The following CPB1 variants were observed in gnomAD, a reference collection of about 807,000 sequenced individuals.
CPB1 encodes the protein carboxypeptidase B1, also known as carboxypeptidase B.
CPB1 carries 53 observed loss-of-function variants against 51.4 expected under a neutral mutation model. The ratio of observed to expected loss-of-function variants is 1.03; its 90% CI spans 0.83 to 1.30. The LOEUF is 1.30. Among genes scored for constraint, CPB1 ranks in the 50% most tolerant of loss-of-function variants. CPB1 has a pLI of 0.00. For synonymous variants in CPB1, 189 were observed against 186.9 expected (o/e 1.01, Z -0.09); for missense variants, 494 against 516.2 (o/e 0.96, Z 0.42).
rs375699145 is a variant in CPB1 at position 148,844,664 on chromosome 3, A to G, written c.688-13A>G. 4 of 1,613,658 alleles carry G rather than the reference A, an allele frequency of 2.5e-6. No homozygotes were observed. The East Asian group carries it at 6.7e-5, about 27-fold the overall frequency. The stretch of plus-strand genomic sequence containing the variant: ...TCTATTATATTTGTCCTAACTATGT[A>G]GTCCACTTTCAGAGCCGATTTTGGA... On this transcript the variant is annotated splice_polypyrimidine_tract_variant and intron_variant, in intron 7 of 10. Coordinates refer to ENST00000282957, the MANE Select transcript of CPB1 (RefSeq NM_001871.3).
chr3:148,838,562 TC>T (rs1712979753), intron 3 of CPB1: 1 of 152,226 alleles, frequency 6.6e-6, no homozygotes, highest in Non-Finnish European at 1.5e-5. Context: ...TTTTTTGTTA[TC>T]CTTGAATATC....
chr3:148,844,779 G>T lies in CPB1; in HGVS notation c.778+12G>T, dbSNP rs545967752. ...TGCTGGTTGGTGTGGTAAGTATCTG[G>T]CTAGCCATTTTGCATGTATCCATTG... On this transcript the variant is annotated intron_variant, in intron 8 of 10. Coordinates refer to ENST00000282957, the MANE Select transcript of CPB1 (RefSeq NM_001871.3). 1.9e-5 allele frequency: 31 copies of T among 1,611,378 alleles called. No homozygotes were observed. Among genetic ancestry groups the T allele is most frequent in the South Asian group, 1.6e-4 (15 of 90,972 alleles).
Position 148,857,369 on chromosome 3 carries a change from C to G in CPB1, c.982-88C>G, listed in dbSNP as rs2331407. ...TACGATCCAAATTGTTACTTACATGCTTTGAATGCCTTAAAAATAATGTAC... is the reference window on the plus strand; with the variant it reads ...TACGATCCAAATTGTTACTTACATGGTTTGAATGCCTTAAAAATAATGTAC... On this transcript the variant is annotated intron_variant, in intron 9 of 10. Coordinates refer to ENST00000282957, the MANE Select transcript of CPB1 (RefSeq NM_001871.3). The G allele has an allele frequency of 5.0e-6, 5 of 995,144 alleles. No homozygotes were observed. The African/African-American group carries it at 8.1e-5, about 16-fold the overall frequency. 61.6% of individuals were successfully genotyped at this position (995,144 alleles called of 1,614,324 possible). A position where few individuals can be genotyped will look rare whatever the true frequency, so the allele number is the denominator to read the frequency against.
chr3:148,829,818 G>C (rs918729141), intron 2 of CPB1, among the ~76,000 whole-genome samples: 1 of 152,132 alleles, frequency 6.6e-6, no homozygotes, highest in African/African-American at 2.4e-5. Flanking sequence ...CAATGTGCCA[G>C]ACATAGTGTT....
chr3:148,831,231 T>A (rs1712725801), intron 2 of CPB1, among the ~76,000 whole-genome samples: 2 of 152,174 alleles, frequency 1.3e-5, no homozygotes, highest in Non-Finnish European at 2.9e-5. Flanking sequence ...TGTCTTGAAG[T>A]CTGTGTTTCT....
Position 148,827,992 on chromosome 3 carries a change from C to T in CPB1, c.72-10C>T. On this transcript the variant is annotated splice_polypyrimidine_tract_variant and intron_variant, in intron 1 of 10. Transcript: ENST00000282957. ...CCAATTCTCTGTGCTTCTATTATCT[C>T]ATTATTCAGCGAGAAGGTGTTCCGT... is the stretch of plus-strand genomic sequence containing the variant. 6.2e-7 allele frequency: 1 copy of T among 1,613,700 alleles called. No homozygotes were observed. The highest frequency in any genetic ancestry group is 8.5e-7 in the Non-Finnish European group (1 of 1,179,708).
intron 3 of CPB1, 111 bp downstream of exon 3, chr3:148,834,733 G>C: frequency 1.0e-6 from 1 of 1,002,190 alleles, no homozygotes; most frequent in South Asian, 2.0e-5. Flanking sequence ...GCCTTCCCCA[G>C]GACCCCACAA....
chr3:148,834,627 G>C lies in CPB1; in HGVS notation c.272+5G>C, dbSNP rs998315597. On this transcript the variant is annotated splice_donor_5th_base_variant and intron_variant, in intron 3 of 10. Coordinates refer to ENST00000282957, the MANE Select transcript of CPB1 (RefSeq NM_001871.3). ...GCAGAATGAACTACAATACAAGTAA[G>C]TTTATGTTTTATAAATATTAAAATT... The C allele has an allele frequency of 6.2e-7, 1 of 1,600,762 alleles. No individual in the cohort carries two copies. The highest frequency in any genetic ancestry group is 8.5e-7 in the Non-Finnish European group (1 of 1,169,864).
At chr3:148,843,996 G>T (rs1385460813) in intron 6 of CPB1, among the ~76,000 whole-genome samples, 1 of 152,138 alleles carries the variant, frequency 6.6e-6, no homozygotes, top group Non-Finnish European at 1.5e-5. Context: ...TCCCTCTAGT[G>T]AGATCATCTA....
At chr3:148,839,719 G>T (rs905874281) in intron 3 of CPB1, among the ~76,000 whole-genome samples, 1 of 152,190 alleles carries the variant, frequency 6.6e-6, no homozygotes, top group Non-Finnish European at 1.5e-5. Flanking sequence ...CCTTGGGGCA[G>T]CCAGAGGAGA....
In CPB1 at chr3:148,834,559, G is replaced by A. The variant is rs199961136; in HGVS notation, c.209G>A (p.Arg70His). 5.3e-5 allele frequency: 85 copies of A among 1,613,380 alleles called. No individual in the cohort carries two copies. The highest frequency in any genetic ancestry group is 1.6e-4 in the Middle Eastern group (1 of 6,082). The change falls in exon 3 of 11, where the codon CGT (arginine) becomes CAT (histidine). Residue 70 changes from arginine (R) to histidine (H), a missense_variant. Transcript: ENST00000282957. ...AAACCTCACAGTACAGTTGACTTCC[G>A]TGTTAAAGCAGAAGATACTGTCACT... The part of the protein sequence containing the change: ...QIKPHSTVDF[R>H]VKAEDTVTVE...
intron 2 of CPB1, among the ~76,000 whole-genome samples, chr3:148,828,872 G>C (rs1198829299): frequency 6.6e-6 from 1 of 152,158 alleles, no homozygotes; most frequent in Non-Finnish European, 1.5e-5. Flanking sequence ...AGAAGGTGGA[G>C]AGTGTCATAA....
intron 9 of CPB1, chr3:148,851,260 A>C (rs928142927): frequency 6.8e-6 from 1 of 147,374 alleles, no homozygotes; most frequent in African/African-American, 2.5e-5. Flanking sequence ...ATTTGAACCC[A>C]GGAGGCAGAG....
intron 9 of CPB1, among the ~76,000 whole-genome samples, chr3:148,846,797 G>GTGTGTATATATATATATA (rs1364486523): frequency 1.6e-4 from 8 of 50,530 alleles, no homozygotes; most frequent in South Asian, 8.2e-4. Flanking sequence ...GTGTGCGTGT[G>GTGTGTATATATATATATA]TATATATATA....
At chr3:148,849,884 C>A (rs1383876682) in intron 9 of CPB1, among the ~76,000 whole-genome samples, 1 of 152,244 alleles carries the variant, frequency 6.6e-6, no homozygotes, top group Non-Finnish European at 1.5e-5. Flanking sequence ...CCTGAGGAAT[C>A]TTCTAGGCTG....
intron 3 of CPB1, 62 bp downstream of exon 3, chr3:148,834,684 G>A: frequency 6.6e-7 from 1 of 1,511,950 alleles, no homozygotes. Flanking sequence ...CTGAGCCTTT[G>A]AATAACTCTG....
chr3:148,846,797 G>GTGTGTGTATATATA (rs1364486523), intron 9 of CPB1, among the ~76,000 whole-genome samples: 32 of 50,530 alleles, frequency 6.3e-4, no homozygotes, highest in Non-Finnish European at 1.1e-3. Flanking sequence ...GTGTGCGTGT[G>GTGTGTGTATATATA]TATATATATA....
intron 3 of CPB1, 63 bp downstream of exon 3, chr3:148,834,685 A>T: frequency 3.3e-6 from 5 of 1,513,462 alleles, no homozygotes; most frequent in Non-Finnish European, 4.5e-6. Flanking sequence ...TGAGCCTTTG[A>T]ATAACTCTGG....
chr3:148,836,786 T>A (rs970760105), intron 3 of CPB1, among the ~76,000 whole-genome samples: 1 of 152,068 alleles, frequency 6.6e-6, no homozygotes, highest in East Asian at 1.9e-4. Flanking sequence ...CTTGCTGGGG[T>A]TGCAAGCAGT....
Sources: gnomAD v4.1 joint callset for allele counts (sites outside exome capture counted in the v4.1 genomes callset) on GRCh38, gnomAD v4.1.1 for gene constraint, MANE v1.5 for transcripts, NCBI Gene and HGNC (gene_info 2026-07-23, HGNC 2026-07-21) for gene names.